Variants in CSNK1G2 observed in about 807,000 individuals in gnomAD.
CSNK1G2 encodes the protein casein kinase I isoform gamma-2.
In CSNK1G2, 11 loss-of-function variants were observed where a neutral mutation model predicts 48.0. The ratio of observed to expected loss-of-function variants is 0.23; its 90% CI spans 0.14 to 0.38. The LOEUF (loss-of-function observed/expected upper bound fraction) is 0.38, where lower values mean the gene tolerates loss of function less well. CSNK1G2 is among the 10% of genes least tolerant of loss of function. The pLI is 1.00. For missense variants in CSNK1G2, 446 were observed against 595.5 expected (o/e 0.75, Z 2.61); for synonymous variants, 337 against 254.1 (o/e 1.33, Z -3.10).
At chr19:1,946,188 G>A (rs1195059439) in intron 1 of CSNK1G2, among the ~76,000 whole-genome samples, 4 of 152,186 alleles carry the variant, frequency 2.6e-5, no homozygotes, top group South Asian at 2.1e-4. Context: ...AGGAGGGGGC[G>A]CAGGTGAGGG....
At chr19:1,952,952 C>T (rs767515046) in intron 1 of CSNK1G2, 12 of 436,222 alleles carry the variant, frequency 2.8e-5, no homozygotes, top group South Asian at 1.8e-4. Flanking sequence ...TGTCGCCCGG[C>T]GGCTCCCACA....
Position 1,979,106 on chromosome 19 carries a change from C to A in CSNK1G2, c.682+13C>A. 5.7e-6 allele frequency: 9 copies of A among 1,586,518 alleles called. No individual in the cohort carries two copies. Among genetic ancestry groups the A allele is most frequent in the Non-Finnish European group, 7.7e-6 (9 of 1,171,242 alleles). On this transcript the variant is annotated intron_variant, in intron 6 of 11. Transcript: ENST00000255641. The stretch of plus-strand genomic sequence containing the variant: ...CACCTGGGCAAGGGTGAGCTGCGCG[C>A]GCGCGGCGGGGGGCGGGCGCCCGGA...
At chr19:1,968,273 C>A (rs59232036) in intron 1 of CSNK1G2, among the ~76,000 whole-genome samples, 1 of 87,200 alleles carries the variant, frequency 1.1e-5, no homozygotes, top group Non-Finnish European at 2.2e-5. Context: ...AGGCTGCCCC[C>A]GACCACCCTT....
intron 10 of CSNK1G2, 24 bp from the exon 11 acceptor site, chr19:1,979,887 G>C (rs758596071): frequency 1.2e-6 from 2 of 1,606,208 alleles, no homozygotes; most frequent in East Asian, 4.5e-5. Flanking sequence ...GGCGGCCAGC[G>C]TGACCCCCTA....
intron 1 of CSNK1G2, among the ~76,000 whole-genome samples, chr19:1,962,436 G>A (rs1167344674): frequency 6.6e-6 from 1 of 152,068 alleles, no homozygotes; most frequent in African/African-American, 2.4e-5. Context: ...GGAGGCCGAG[G>A]AGGGAGGATT....
chr19:1,967,191 T>A (rs2015390836), intron 1 of CSNK1G2, among the ~76,000 whole-genome samples: 1 of 152,220 alleles, frequency 6.6e-6, no homozygotes, highest in African/African-American at 2.4e-5. Context: ...ACAGGGTGTT[T>A]CTGGCACCGG....
chr19:1,979,207 A>C lies in CSNK1G2; in HGVS notation c.727A>C (p.Met243Leu), dbSNP rs777801869. Residue 243 changes from methionine (M) to leucine (L), a missense_variant, in exon 7 of 12, where the codon ATG (methionine) becomes CTG (leucine). Physicochemically the swap from Met to Leu is conservative, Grantham distance 15. Transcript: ENST00000255641. ...CCTGGAGGCGCTGGGCCACATGTTC[A>C]TGTACTTCCTGCGCGGCAGCCTCCC... ...DDLEALGHMF[M>L]YFLRGSLPWQ... The C allele has an allele frequency of 1.2e-5, 19 of 1,546,744 alleles. No homozygotes were observed. Among genetic ancestry groups the C allele is most frequent in the Middle Eastern group, 1.7e-4 (1 of 5,794 alleles).
At chr19:1,979,448 C>T in intron 8 of CSNK1G2, 45 bp downstream of exon 8, 1 of 680,024 alleles carries the variant, frequency 1.5e-6, no homozygotes, top group Non-Finnish European at 2.4e-6. Context: ...CACCCCCCAC[C>T]CCCCACCCCC....
intron 1 of CSNK1G2, among the ~76,000 whole-genome samples, chr19:1,964,914 A>G (rs1259106687): frequency 1.3e-5 from 2 of 150,824 alleles, no homozygotes; most frequent in East Asian, 2.0e-4. Context: ...TTTTAGTAGA[A>G]ACGGGGTTTC....
chr19:1,947,279 C>G (rs564868793), intron 1 of CSNK1G2, among the ~76,000 whole-genome samples: 2 of 152,238 alleles, frequency 1.3e-5, no homozygotes, highest in South Asian at 2.1e-4. Flanking sequence ...GTCCTCTCGC[C>G]TTGGCCGTGG....
rs563410443 is a variant in CSNK1G2, at chr19:1,963,187, A to G, written c.-265-6321A>G. Among the ~76,000 whole-genome samples, 3 of 152,052 alleles carry G rather than the reference A, an allele frequency of 2.0e-5. No homozygotes were observed. In the South Asian group the frequency reaches 6.2e-4, roughly 32 times the overall value. On this transcript the variant is annotated intron_variant, in intron 1 of 11. Transcript: ENST00000255641. ...CGTGGTGGTTTATTATAAATTTTTC[A>G]TGAAAATAAAATATACAGTACTCTC...
intron 1 of CSNK1G2, among the ~76,000 whole-genome samples, chr19:1,966,745 C>T (rs951713261): frequency 6.6e-6 from 1 of 152,160 alleles, no homozygotes. Context: ...TTGCCCCAGC[C>T]TCCAGCAGCC....
intron 1 of CSNK1G2, among the ~76,000 whole-genome samples, chr19:1,959,981 T>C (rs2015145011): frequency 6.6e-6 from 1 of 152,124 alleles, no homozygotes; most frequent in African/African-American, 2.4e-5. Flanking sequence ...CCTGCAGGAC[T>C]CTCGGAACTG....
At chr19:1,943,440 C>T (rs1432370760) in intron 1 of CSNK1G2, among the ~76,000 whole-genome samples, 2 of 152,142 alleles carry the variant, frequency 1.3e-5, no homozygotes, top group African/African-American at 4.8e-5. Context: ...ATTTGGGTTT[C>T]TTCTTTTCTT....
intron 1 of CSNK1G2, among the ~76,000 whole-genome samples, chr19:1,949,944 G>A (rs935918560): frequency 5.3e-5 from 8 of 152,290 alleles, no homozygotes; most frequent in South Asian, 4.1e-4. Flanking sequence ...ACCCTGTGAC[G>A]AGCACGGCCA....
chr19:1,953,586 C>T, intron 1 of CSNK1G2: 1 of 467,594 alleles, frequency 2.1e-6, no homozygotes, highest in South Asian at 1.6e-5. Flanking sequence ...TGGTGTTTGC[C>T]TTATGTGTCC....
chr19:1,975,771 C>CA, intron 2 of CSNK1G2: 4 of 985,406 alleles, frequency 4.1e-6, no homozygotes, highest in Non-Finnish European at 4.8e-6. Context: ...CACAGTGGCT[C>CA]ACGCCTGTAA....
chr19:1,952,844 C>T (rs1356741145), intron 1 of CSNK1G2: 1 of 370,454 alleles, frequency 2.7e-6, no homozygotes, highest in South Asian at 2.1e-5. Context: ...CCGAACCCTG[C>T]TGTGCCCTTC....
intron 1 of CSNK1G2, chr19:1,968,689 C>G (rs1264196767): frequency 6.6e-6 from 1 of 152,554 alleles, no homozygotes; most frequent in African/African-American, 2.4e-5. Context: ...AGGCTTCTGT[C>G]TTTTCCCCTG....
Sources: gnomAD v4.1 joint callset for allele counts (sites outside exome capture counted in the v4.1 genomes callset) on GRCh38, gnomAD v4.1.1 for gene constraint, MANE v1.5 for transcripts, NCBI Gene and HGNC (gene_info 2026-07-23, HGNC 2026-07-21) for gene names.